Variants in C8G observed in about 807,000 individuals in gnomAD.
C8G encodes the protein complement component C8 gamma chain.
C8G carries 38 observed loss-of-function variants against 29.1 expected under a neutral mutation model. The ratio of observed to expected loss-of-function variants is 1.31; its 90% CI spans 1.01 to 1.71. C8G has a LOEUF of 1.71. Ranked by LOEUF, C8G falls within the 40% of genes most tolerant of loss-of-function variation. C8G has a pLI of 0.00. For synonymous variants in C8G, 158 were observed against 113.2 expected, an observed-to-expected ratio of 1.40 and a Z score of -2.51; for missense variants, 300 against 267.4, an observed-to-expected ratio of 1.12 and a Z score of -0.85.
intron 2 of C8G, 22 bp downstream of exon 2, chr9:136,945,792 C>G: frequency 6.5e-7 from 1 of 1,542,680 alleles, no homozygotes; most frequent in East Asian, 2.4e-5. Flanking sequence ...AGCAGCCCTG[C>G]ACCCTAACCC....
chr9:136,946,121 C>T lies in C8G; in HGVS notation c.383C>T (p.Ala128Val). 6.3e-7 allele frequency: 1 copy of T among 1,589,680 alleles called. No individual in the cohort carries two copies. The highest frequency in any genetic ancestry group is 1.1e-5 in the South Asian group (1 of 88,614). The part of the protein sequence containing the change: ...DARGAVHVVV[A>V]ETDYQSFAVL... ...CGAGGGGCTGTGCACGTGGTTGTCG[C>T]TGAGACCGACTACCAGAGTTTCGCT... is the stretch of plus-strand genomic sequence containing the variant. The change falls in exon 4 of 7, where the codon GCT becomes GTT. Residue 128 changes from alanine (A) to valine (V), a missense_variant. Transcript: ENST00000371634.
Position 136,945,953 on chromosome 9 carries a change from C to T in C8G, c.300C>T (p.Arg100=). The T allele has an allele frequency of 6.4e-7, 1 of 1,567,854 alleles. No homozygotes were observed. The highest frequency in any genetic ancestry group is 8.6e-7 in the Non-Finnish European group (1 of 1,156,820). Residue 100 remains arginine (R), a synonymous_variant, in exon 3 of 7, where the codon CGC becomes CGT. Transcript: ENST00000371634. The part of the protein sequence containing the change: ...RKLDGICWQV[R]QLYGDTGVLG... ...GGGATGGGATCTGCTGGCAGGTGCG[C>T]CAGCTCTATGGAGACACAGGGGTCC...
rs1221138586 is a variant in C8G at position 136,946,950 on chromosome 9, C to T, written c.*169C>T. On this transcript the variant is annotated 3_prime_UTR_variant, in exon 7 of 7. Transcript: ENST00000371634. ...CAGAGGACAGTGGGTGGAGTGGTACCTACTTATTAAATGTCTCAGACCCCT... is the reference window on the plus strand; with the variant it reads ...CAGAGGACAGTGGGTGGAGTGGTACTTACTTATTAAATGTCTCAGACCCCT... 3.8e-6 allele frequency: 3 copies of T among 794,886 alleles called. No individual in the cohort carries two copies. Among genetic ancestry groups the T allele is most frequent in the East Asian group, 2.7e-5 (1 of 37,286 alleles). The allele number at this position is 794,886 out of a possible 1,614,324, so 49.2% of individuals were successfully genotyped here. A position where few individuals can be genotyped will look rare whatever the true frequency, so the allele number is the denominator to read the frequency against.
Position 136,945,972 on chromosome 9 carries a change from G to C in C8G, c.319G>C (p.Gly107Arg), listed in dbSNP as rs752012112. 2.5e-6 allele frequency: 4 copies of C among 1,575,162 alleles called. No homozygotes were observed. The highest frequency in any genetic ancestry group is 3.4e-6 in the Non-Finnish European group (4 of 1,160,612). The change falls in exon 3 of 7, where the codon GGG becomes CGG. Residue 107 changes from glycine (G) to arginine (R), a missense_variant. By Grantham distance (125) the Gly-to-Arg change is moderately radical. Coordinates refer to ENST00000371634, the MANE Select transcript of C8G (RefSeq NM_000606.3). ...GGTGCGCCAGCTCTATGGAGACACA[G>C]GGGTCCTCGGCCGCTTCCTGCTTCA... ...WQVRQLYGDT[G>R]VLGRFLLQAR...
Position 136,946,129 on chromosome 9 carries a change from G to C in C8G, c.391G>C (p.Asp131His). 1 of 1,585,634 alleles carries C rather than the reference G, an allele frequency of 6.3e-7. No individual in the cohort carries two copies. The highest frequency in any genetic ancestry group is 8.6e-7 in the Non-Finnish European group (1 of 1,162,872). ...GAVHVVVAET[D>H]YQSFAVLYLE... ...TGTGCACGTGGTTGTCGCTGAGACC[G>C]ACTACCAGAGTTTCGCTGTCCTGTA... The change falls in exon 4 of 7, where the codon GAC becomes CAC. Residue 131 changes from aspartate (D) to histidine (H), a missense_variant. Transcript: ENST00000371634.
In C8G at chr9:136,946,631, C is replaced by T. The variant is rs1851050147; in HGVS notation, c.557-20C>T. 1 of 1,613,092 alleles carries T rather than the reference C, an allele frequency of 6.2e-7. No individual in the cohort carries two copies. Among genetic ancestry groups the T allele is most frequent in the African/African-American group, 1.3e-5 (1 of 74,898 alleles). On this transcript the variant is annotated intron_variant, in intron 5 of 6. Coordinates refer to ENST00000371634, the MANE Select transcript of C8G (RefSeq NM_000606.3). Reference sequence around the variant, plus strand: ...CTCTCTGGGCTGATGTCCAGCCTGACCCCTGCCTTGGGCCCCCAGGCTTCT... The same window carrying T: ...CTCTCTGGGCTGATGTCCAGCCTGATCCCTGCCTTGGGCCCCCAGGCTTCT...
chr9:136,946,701 G>T lies in C8G; in HGVS notation c.595+12G>T, dbSNP rs1851052476. On this transcript the variant is annotated intron_variant, in intron 6 of 6. Coordinates refer to ENST00000371634, the MANE Select transcript of C8G (RefSeq NM_000606.3). ...CCACGTCCTGGACGGTGAGTGCACA[G>T]CGGGGCAAGCATGGCGGCGTGGTGA... The T allele has an allele frequency of 6.2e-7, 1 of 1,611,840 alleles. No homozygotes were observed.
At chr9:136,945,876 G>A in intron 2 of C8G, 53 bp from the exon 3 acceptor site, 2 of 1,546,764 alleles carry the variant, frequency 1.3e-6, no homozygotes, top group Middle Eastern at 1.9e-4. Context: ...GCCTGGACTA[G>A]GATTCCTGGT....
Position 136,945,771 on chromosome 9 carries a change from G to T in C8G, c.275+1G>T, listed in dbSNP as rs1265166143. ...TGGCTGTCAGTACCTTCCGAAAGCT[G>T]TGAGTCCCAGAGCAGCCCTGCACCC... On this transcript the variant is annotated splice_donor_variant, in intron 2 of 6. Transcript: ENST00000371634. LOFTEE classifies it high-confidence loss of function. 6.4e-7 allele frequency: 1 copy of T among 1,551,402 alleles called. No individual in the cohort carries two copies. Among genetic ancestry groups the T allele is most frequent in the Non-Finnish European group, 8.7e-7 (1 of 1,149,320 alleles).
chr9:136,946,006 C>T lies in C8G; in HGVS notation c.346+7C>T, dbSNP rs1420290643. 5.0e-6 allele frequency: 8 copies of T among 1,588,086 alleles called. No individual in the cohort carries two copies. Among genetic ancestry groups the T allele is most frequent in the African/African-American group, 4.0e-5 (3 of 74,638 alleles). ...GGCCGCTTCCTGCTTCAAGGTGAGG[C>T]AGGGGCTGCAGGGCATGTGGGTGGG... On this transcript the variant is annotated splice_region_variant and intron_variant, in intron 3 of 6. Transcript: ENST00000371634.
chr9:136,945,525 AAG>A (rs1851005258), intron 1 of C8G, 67 bp downstream of exon 1: 1 of 1,132,760 alleles, frequency 8.8e-7, no homozygotes, highest in African/African-American at 2.1e-5. Context: ...AGACAGGTAG[AAG>A]TTGTTGCGGG....
At position 136,945,534 on chromosome 9, in the gene C8G, C is replaced by T. The variant is rs903884491; in HGVS notation, c.138+76C>T. 677 of 1,505,370 alleles carry T rather than the reference C, an allele frequency of 4.5e-4. 2 individuals are homozygous for T. Among genetic ancestry groups the T allele is most frequent in the Non-Finnish European group, 5.8e-4 (648 of 1,112,578 alleles). 93.3% of individuals were successfully genotyped at this position (1,505,370 alleles called of 1,614,324 possible). On this transcript the variant is annotated intron_variant, in intron 1 of 6. Transcript: ENST00000371634. ...AGAGGGAGACAGGTAGAAGTTGTTG[C>T]GGGGGAGAGGGAAGCAGGTGAAGTT... is the stretch of plus-strand genomic sequence containing the variant.
At position 136,945,326 on chromosome 9, in the gene C8G, G is replaced by A; in HGVS notation, c.6G>A (p.Leu2=). 2 of 1,606,190 alleles carry A rather than the reference G, an allele frequency of 1.2e-6. No individual in the cohort carries two copies. The highest frequency in any genetic ancestry group is 1.7e-6 in the Non-Finnish European group (2 of 1,175,444). The change falls in exon 1 of 7, where the codon CTG becomes CTA. Residue 2 remains leucine, a synonymous_variant. Coordinates refer to ENST00000371634, the MANE Select transcript of C8G (RefSeq NM_000606.3). ...GCCACCCTGCTGCCGCCACCATGCT[G>A]CCCCCTGGGACTGCGACCCTCTTGA... M[L]PPGTATLLTL... is the part of the protein sequence containing the mutation.
rs147437866 is a variant in C8G at position 136,945,720 on chromosome 9, G to A, written c.225G>A (p.Leu75=). The change falls in exon 2 of 7, where the codon CTG becomes CTA. Residue 75 remains leucine, a synonymous_variant. Coordinates refer to ENST00000371634, the MANE Select transcript of C8G (RefSeq NM_000606.3). The part of the protein sequence containing the change: ...EQGHRAEATT[L]HVAPQGTAMA... Reference sequence around the variant, plus strand: ...GCCACCGGGCCGAGGCCACCACACTGCATGTGGCTCCCCAGGGCACAGCCA... The same window carrying A: ...GCCACCGGGCCGAGGCCACCACACTACATGTGGCTCCCCAGGGCACAGCCA... The A allele has an allele frequency of 2.5e-5, 39 of 1,583,020 alleles. No homozygotes were observed. The African/African-American group carries it at 5.0e-4, about 20-fold the overall frequency.
chr9:136,946,312 C>CCTG, intron 4 of C8G, 120 bp downstream of exon 4: 1 of 1,381,724 alleles, frequency 7.2e-7, no homozygotes, highest in Non-Finnish European at 9.8e-7. Context: ...TCCTGATCCT[C>CCTG]CTGCTAAGCA....
Position 136,946,496 on chromosome 9 carries a change from G to A in C8G, c.486G>A (p.Leu162=). The A allele has an allele frequency of 1.9e-6, 3 of 1,612,486 alleles. No homozygotes were observed. Among genetic ancestry groups the A allele is most frequent in the Non-Finnish European group, 2.5e-6 (3 of 1,179,652 alleles). Residue 162 remains leucine (L), a synonymous_variant, in exon 5 of 7, where the codon CTG becomes CTA. Coordinates refer to ENST00000371634, the MANE Select transcript of C8G (RefSeq NM_000606.3). ...CGCTCCCTGTGAGCGACTCGGTCCT[G>A]AGTGGGTTTGAGCAGCGGGTCCAGG... ...ARSLPVSDSV[L]SGFEQRVQEA... is the part of the protein sequence containing the mutation.
rs1258566912 is a variant in C8G at position 136,945,428 on chromosome 9, C to T, written c.108C>T (p.Ile36=). The change falls in exon 1 of 7, where the codon ATC becomes ATT. Residue 36 remains isoleucine (I), a synonymous_variant. Coordinates refer to ENST00000371634, the MANE Select transcript of C8G (RefSeq NM_000606.3). The part of the protein sequence containing the change: ...PRRPASPIST[I]QPKANFDAQQ... ...GGCCCGCATCCCCCATCAGCACCAT[C>T]CAGCCCAAGGCCAATTTTGATGCTC... The T allele has an allele frequency of 5.7e-6, 9 of 1,588,396 alleles. No individual in the cohort carries two copies. The highest frequency in any genetic ancestry group is 7.7e-6 in the Non-Finnish European group (9 of 1,167,580).
At chr9:136,945,604 C>T (rs1293625238) in intron 1 of C8G, 30 bp from the exon 2 acceptor site, 2 of 1,601,150 alleles carry the variant, frequency 1.2e-6, no homozygotes, top group Non-Finnish European at 8.5e-7. Context: ...TCCCACAGTG[C>T]CCTCGAGTTC....
chr9:136,946,846 C>T lies in C8G; in HGVS notation c.*65C>T, dbSNP rs1851056532. The T allele has an allele frequency of 2.0e-6, 3 of 1,513,150 alleles. No individual in the cohort carries two copies. Among genetic ancestry groups the T allele is most frequent in the Middle Eastern group, 1.8e-4 (1 of 5,708 alleles). 93.7% of individuals were successfully genotyped at this position (1,513,150 alleles called of 1,614,324 possible). ...GAGAGACGACCCCACCAGTGGGGTG[C>T]CCGCTGCCTGTCCTCCGTGAAACCA... On this transcript the variant is annotated 3_prime_UTR_variant, in exon 7 of 7. Transcript: ENST00000371634.
Sources: gnomAD v4.1 joint callset for allele counts on GRCh38, gnomAD v4.1.1 for gene constraint, MANE v1.5 for transcripts, NCBI Gene and HGNC (gene_info 2026-07-23, HGNC 2026-07-21) for gene names.